The following PPP3CA variants were observed in gnomAD, a reference collection of about 807,000 sequenced individuals.
The protein encoded by PPP3CA is protein phosphatase 3 catalytic subunit alpha, also known as CAM-PRP catalytic subunit.
PPP3CA carries 14 observed loss-of-function variants against 66.5 expected under a neutral mutation model. That is an observed-to-expected ratio of 0.21 (90% CI 0.14 to 0.33). The LOEUF (loss-of-function observed/expected upper bound fraction) is 0.33, where lower values mean the gene tolerates loss of function less well. Among genes scored for constraint, PPP3CA ranks in the 10% least tolerant of loss-of-function variants. The pLI, the probability that PPP3CA is intolerant of heterozygous loss-of-function variation, is 1.00. For synonymous variants in PPP3CA, 232 were observed against 226.2 expected, an observed-to-expected ratio of 1.03 and a Z score of -0.23; for missense variants, 317 against 639.5, an observed-to-expected ratio of 0.50 and a Z score of 5.44.
chr4:101,210,005 G>A (rs1194949692), intron 1 of PPP3CA, among the ~76,000 whole-genome samples: 3 of 152,156 alleles, frequency 2.0e-5, no homozygotes, highest in Non-Finnish European at 2.9e-5. Flanking sequence ...GGGTTTAGGA[G>A]ATTGTTGAAA....
At chr4:101,105,969 A>C (rs1014728602) in intron 3 of PPP3CA, among the ~76,000 whole-genome samples, 1 of 152,180 alleles carries the variant, frequency 6.6e-6, no homozygotes, top group Admixed American at 6.5e-5. Context: ...ACAAATGTTA[A>C]ATGAATAAGA....
At chr4:101,268,928 A>G (rs1361462088) in intron 1 of PPP3CA, among the ~76,000 whole-genome samples, 1 of 152,170 alleles carries the variant, frequency 6.6e-6, no homozygotes, top group African/African-American at 2.4e-5. Context: ...GCTAAATATC[A>G]GCTGCCCAAA....
At chr4:101,162,866 C>T (rs757908768) in intron 2 of PPP3CA, among the ~76,000 whole-genome samples, 8 of 152,128 alleles carry the variant, frequency 5.3e-5, no homozygotes, top group Admixed American at 1.3e-4. Flanking sequence ...AATTGTCAGT[C>T]AGCATTTATT....
At chr4:101,165,055 C>G (rs1454728862) in intron 2 of PPP3CA, among the ~76,000 whole-genome samples, 1 of 151,846 alleles carries the variant, frequency 6.6e-6, no homozygotes, top group Admixed American at 6.6e-5. Context: ...ACAGGAATCC[C>G]TAAAAAAATG....
intron 1 of PPP3CA, among the ~76,000 whole-genome samples, chr4:101,246,158 T>A (rs2110238905): frequency 6.6e-6 from 1 of 152,328 alleles, no homozygotes; most frequent in South Asian, 2.1e-4. Context: ...TATCTACATG[T>A]CTTATGAAGT....
At chr4:101,342,933 T>C (rs905278854) in intron 1 of PPP3CA, among the ~76,000 whole-genome samples, 3 of 152,200 alleles carry the variant, frequency 2.0e-5, no homozygotes, top group African/African-American at 7.2e-5. Flanking sequence ...AACTAGCATC[T>C]TCTTGCTTCT....
chr4:101,042,803 CTT>C (rs534973228), intron 10 of PPP3CA, among the ~76,000 whole-genome samples: 28 of 117,624 alleles, frequency 2.4e-4, no homozygotes, highest in Admixed American at 2.6e-4. Flanking sequence ...AAGACTTTTT[CTT>C]TTTTTTTTTT....
chr4:101,134,180 G>C (rs1190793678), intron 2 of PPP3CA, among the ~76,000 whole-genome samples: 4 of 152,128 alleles, frequency 2.6e-5, no homozygotes, highest in African/African-American at 7.2e-5. Flanking sequence ...CAGGACGTCG[G>C]CAAAGACTTC....
intron 3 of PPP3CA, 45 bp downstream of exon 3, chr4:101,108,909 G>A (rs983781234): frequency 6.4e-7 from 1 of 1,573,470 alleles, no homozygotes. Flanking sequence ...TTGAGATACT[G>A]TTAATCCATA....
intron 13 of PPP3CA, among the ~76,000 whole-genome samples, chr4:101,028,116 A>G (rs937127550): frequency 2.0e-5 from 3 of 152,168 alleles, no homozygotes; most frequent in Non-Finnish European, 4.4e-5. Flanking sequence ...ATCATGTACA[A>G]ATTGGAAGAG....
chr4:101,290,245 G>A (rs1727980206), intron 1 of PPP3CA, among the ~76,000 whole-genome samples: 1 of 152,130 alleles, frequency 6.6e-6, no homozygotes, highest in African/African-American at 2.4e-5. Flanking sequence ...CTATAAGAAA[G>A]ATCATTTCTG....
At chr4:101,299,177 T>C (rs1728298080) in intron 1 of PPP3CA, among the ~76,000 whole-genome samples, 1 of 122,350 alleles carries the variant, frequency 8.2e-6, no homozygotes, top group Non-Finnish European at 1.7e-5. Context: ...GGTCTTGAAC[T>C]CCTGGCCTCA....
chr4:101,338,075 T>C (rs1230430924), intron 1 of PPP3CA, among the ~76,000 whole-genome samples: 2 of 152,226 alleles, frequency 1.3e-5, no homozygotes, highest in Non-Finnish European at 2.9e-5. Flanking sequence ...GGGCCTCCCA[T>C]ATGCTTGTCA....
chr4:101,222,149 C>T (rs1364486697), intron 1 of PPP3CA, among the ~76,000 whole-genome samples: 1 of 151,402 alleles, frequency 6.6e-6, no homozygotes, highest in Non-Finnish European at 1.5e-5. Context: ...TTTTTAAGAC[C>T]ACTGGAAAAA....
chr4:101,089,260 A>G (rs1484998959), intron 6 of PPP3CA, among the ~76,000 whole-genome samples: 1 of 152,168 alleles, frequency 6.6e-6, no homozygotes, highest in African/African-American at 2.4e-5. Context: ...AAGACAAAAA[A>G]AAAGAGGCAT....
chr4:101,269,927 G>A (rs574908716), intron 1 of PPP3CA, among the ~76,000 whole-genome samples: 1 of 152,168 alleles, frequency 6.6e-6, no homozygotes, highest in East Asian at 1.9e-4. Context: ...TAAAATGTTG[G>A]TTAACCCATG....
At chr4:101,282,394 C>A (rs1369433230) in intron 1 of PPP3CA, among the ~76,000 whole-genome samples, 3 of 152,188 alleles carry the variant, frequency 2.0e-5, no homozygotes, top group Admixed American at 6.5e-5. Flanking sequence ...CAGGTCCAGA[C>A]CTCTTCCCAG....
At chr4:101,141,230 C>T (rs745883314) in intron 2 of PPP3CA, among the ~76,000 whole-genome samples, 33 of 151,946 alleles carry the variant, frequency 2.2e-4, no homozygotes, top group Non-Finnish European at 3.5e-4. Flanking sequence ...ATTAGCTGGG[C>T]GTGGTGGCTC....
chr4:101,141,398 GTCA>G (rs1722804173), intron 2 of PPP3CA, among the ~76,000 whole-genome samples: 1 of 152,020 alleles, frequency 6.6e-6, no homozygotes, highest in African/African-American at 2.4e-5. Flanking sequence ...CCCCTGCAGT[GTCA>G]TATTTGAATT....
Sources: gnomAD v4.1 joint callset for allele counts (sites outside exome capture counted in the v4.1 genomes callset) on GRCh38, gnomAD v4.1.1 for gene constraint, MANE v1.5 for transcripts, NCBI Gene and HGNC (gene_info 2026-07-23, HGNC 2026-07-21) for gene names.